Variants in CPNE8 observed in about 807,000 individuals in gnomAD.
CPNE8 encodes copine 8, also known as copine-8.
CPNE8 carries 45 observed loss-of-function variants against 81.5 expected under a neutral mutation model. The observed-to-expected ratio is 0.55, with a 90% CI of 0.44 to 0.71. CPNE8 has a LOEUF of 0.71. CPNE8 is among the 30% of genes least tolerant of loss of function. The pLI, the probability that CPNE8 is intolerant of heterozygous loss-of-function variation, is 0.00. For synonymous variants in CPNE8, 252 were observed against 226.3 expected (o/e 1.11, Z -1.02); for missense variants, 594 against 672.1 (o/e 0.88, Z 1.28).
intron 10 of CPNE8, among the ~76,000 whole-genome samples, chr12:38,734,558 A>C (rs1167013656): frequency 1.3e-5 from 2 of 151,974 alleles, no homozygotes; most frequent in Non-Finnish European, 2.9e-5. Flanking sequence ...TATAATATGG[A>C]CCAATGGCAA....
At chr12:38,803,947 T>A (rs2136967559) in intron 6 of CPNE8, among the ~76,000 whole-genome samples, 1 of 56,102 alleles carries the variant, frequency 1.8e-5, no homozygotes, top group African/African-American at 5.7e-5. Context: ...GAATCCAACT[T>A]ACAAGGGATG....
intron 9 of CPNE8, among the ~76,000 whole-genome samples, chr12:38,761,529 GTTAA>G (rs1474585019): frequency 1.6e-4 from 24 of 152,236 alleles, no homozygotes; most frequent in African/African-American, 4.1e-4. Flanking sequence ...TATGATATGG[GTTAA>G]TTAAACTATT....
intron 6 of CPNE8, among the ~76,000 whole-genome samples, chr12:38,796,618 C>T (rs551712797): frequency 2.0e-4 from 30 of 152,208 alleles, no homozygotes; most frequent in African/African-American, 4.8e-4. Context: ...GCGTGAGTGA[C>T]GCAGAAGACG....
At chr12:38,676,081 A>C (rs541450602) in intron 17 of CPNE8, 1 of 219,586 alleles carries the variant, frequency 4.6e-6, no homozygotes, top group African/African-American at 2.4e-5. Flanking sequence ...GTGCCACTGC[A>C]CTCCAGCCTG....
At chr12:38,901,117 A>G (rs1944455416) in intron 1 of CPNE8, among the ~76,000 whole-genome samples, 1 of 152,136 alleles carries the variant, frequency 6.6e-6, no homozygotes, top group Admixed American at 6.5e-5. Flanking sequence ...GCTACTCGAG[A>G]GGCTGAGGAA....
chr12:38,844,939 T>A (rs1943531270), intron 4 of CPNE8, among the ~76,000 whole-genome samples: 1 of 152,200 alleles, frequency 6.6e-6, no homozygotes, highest in Admixed American at 6.5e-5. Flanking sequence ...TTCAGCATGC[T>A]GTTCCTTCAA....
At chr12:38,823,276 C>T (rs76402310) in intron 6 of CPNE8, among the ~76,000 whole-genome samples, 1,910 of 152,290 alleles carry the variant, frequency 0.013, 47 homozygotes, top group African/African-American at 0.043. Context: ...TGTTGTACTT[C>T]AGCACCTGTC....
Position 38,701,453 on chromosome 12 carries a change from A to T in CPNE8, c.961+1422T>A, listed in dbSNP as rs551828665. Among the ~76,000 whole-genome samples the T allele has an allele frequency of 1.2e-3, 180 of 152,110 alleles. 1 individual carries two copies. The highest frequency in any genetic ancestry group is 4.2e-3 in the African/African-American group (174 of 41,514). On this transcript the variant is annotated intron_variant, in intron 14 of 19. Coordinates refer to ENST00000331366, the MANE Select transcript of CPNE8 (RefSeq NM_153634.3). ...TGAACACAATCTAGTATTTTAAAGC[A>T]GTTGGATTTTAGGTATTATTTCTTT...
chr12:38,805,501 G>T (rs997693779), intron 6 of CPNE8, among the ~76,000 whole-genome samples: 11 of 103,666 alleles, frequency 1.1e-4, no homozygotes, highest in Non-Finnish European at 1.8e-4. Context: ...TCACACTCTG[G>T]GGACTGTGGT....
chr12:38,845,059 G>T (rs1476004938), intron 4 of CPNE8, among the ~76,000 whole-genome samples: 2 of 151,782 alleles, frequency 1.3e-5, no homozygotes, highest in Non-Finnish European at 2.9e-5. Context: ...AGAGCCATGG[G>T]GAAAATCACT....
At chr12:38,763,214 A>G (rs1023342789) in intron 8 of CPNE8, among the ~76,000 whole-genome samples, 3 of 152,168 alleles carry the variant, frequency 2.0e-5, no homozygotes, top group African/African-American at 7.2e-5. Flanking sequence ...TCAGTGGAGG[A>G]GCTGCCCTTG....
chr12:38,667,867 G>A (rs1591998306), intron 19 of CPNE8, among the ~76,000 whole-genome samples: 1 of 151,240 alleles, frequency 6.6e-6, no homozygotes, highest in Admixed American at 6.6e-5. Flanking sequence ...GTATGATCTC[G>A]GCTCACCGCA....
rs752680116 is a variant in CPNE8, at chr12:38,848,573, A to T, written c.276T>A (p.Asn92Lys). The part of the protein sequence containing the change: ...ILDYFFEERE[N>K]LRFDLYDVDS... ...GTAGAACTTACAAGTCAAAACGAAG[A>T]TTCTCTCTTTCTTCAAAAAAGTAGT... The change falls in exon 4 of 20, where the codon AAT (asparagine) becomes AAA (lysine). Residue 92 changes from asparagine to lysine, a missense_variant. By Grantham distance (94) the Asn-to-Lys change is moderately conservative. Coordinates refer to ENST00000331366, the MANE Select transcript of CPNE8 (RefSeq NM_153634.3). 5.1e-6 allele frequency: 8 copies of T among 1,574,292 alleles called. No individual in the cohort carries two copies. The highest frequency in any genetic ancestry group is 1.4e-5 in the African/African-American group (1 of 71,694).
rs527737980 is a variant in CPNE8, at chr12:38,786,635, C to G, written c.408-10334G>C. Among the ~76,000 whole-genome samples the G allele has an allele frequency of 3.3e-5, 5 of 151,812 alleles. No homozygotes were observed. The East Asian group carries it at 5.8e-4, about 18-fold the overall frequency. On this transcript the variant is annotated intron_variant, in intron 6 of 19. Transcript: ENST00000331366. ...CATTAGTTCTGTCCCAATAGAGGAC[C>G]CTGATTAATACAATATCCCATGCAA... is the stretch of plus-strand genomic sequence containing the variant.
intron 19 of CPNE8, 132 bp from the exon 20 acceptor site, chr12:38,654,202 C>A: frequency 1.7e-6 from 2 of 1,200,030 alleles, no homozygotes; most frequent in Non-Finnish European, 2.2e-6. Flanking sequence ...AGATGGATAA[C>A]AATTATTATA....
At chr12:38,737,463 T>C (rs937486880) in intron 10 of CPNE8, among the ~76,000 whole-genome samples, 18 of 152,194 alleles carry the variant, frequency 1.2e-4, no homozygotes, top group African/African-American at 4.1e-4. Context: ...TTTTACTTTA[T>C]GTAGCATATA....
intron 6 of CPNE8, among the ~76,000 whole-genome samples, chr12:38,820,543 A>C (rs1409671186): frequency 6.6e-6 from 1 of 152,222 alleles, no homozygotes; most frequent in East Asian, 1.9e-4. Context: ...AGGCTGGTGA[A>C]GTATCAAATA....
At chr12:38,693,906 G>T (rs111946275) in intron 14 of CPNE8, 68 bp from the exon 15 acceptor site, 21,152 of 1,301,258 alleles carry the variant, frequency 0.016, 310 homozygotes, top group South Asian at 0.052. Flanking sequence ...ATTTTTCTTG[G>T]TGTCTATTTC....
intron 6 of CPNE8, among the ~76,000 whole-genome samples, chr12:38,779,512 A>G (rs909483605): frequency 1.3e-5 from 2 of 152,146 alleles, no homozygotes; most frequent in African/African-American, 4.8e-5. Flanking sequence ...AGTGAAAGAG[A>G]AAAAAATGTA....
Sources: gnomAD v4.1 joint callset for allele counts (sites outside exome capture counted in the v4.1 genomes callset) on GRCh38, gnomAD v4.1.1 for gene constraint, MANE v1.5 for transcripts, NCBI Gene and HGNC (gene_info 2026-07-23, HGNC 2026-07-21) for gene names.